The following MYO1H variants were observed in gnomAD, a reference collection of about 807,000 sequenced individuals.
MYO1H encodes the protein myosin IH, also known as unconventional myosin-Ih.
In MYO1H, 118 loss-of-function variants were observed where a neutral mutation model predicts 149.3. The observed-to-expected ratio is 0.79, with a 90% confidence interval of 0.68 to 0.92. MYO1H has a LOEUF of 0.92. Among genes scored for constraint, MYO1H ranks in the 40% least tolerant of loss-of-function variants. The pLI, the probability that MYO1H is intolerant of heterozygous loss-of-function variation, is 0.00. For synonymous variants in MYO1H, 447 were observed against 465.2 expected (o/e 0.96, Z 0.50); for missense variants, 1,212 against 1,280.7 (o/e 0.95, Z 0.82).
At chr12:109,404,702 GT>G (rs146118786) in intron 7 of MYO1H, among the ~76,000 whole-genome samples, 1 of 151,960 alleles carries the variant, frequency 6.6e-6, no homozygotes, top group African/African-American at 2.4e-5. Context: ...GGAAGAGTCA[GT>G]TTTTTTTCTC....
intron 21 of MYO1H, among the ~76,000 whole-genome samples, chr12:109,436,091 T>C (rs991243501): frequency 6.6e-6 from 1 of 152,172 alleles, no homozygotes; most frequent in Non-Finnish European, 1.5e-5. Flanking sequence ...ATGCTCCTCC[T>C]TAGCTGTGTT....
chr12:109,362,636 C>A (rs115246113), intron 1 of MYO1H, among the ~76,000 whole-genome samples: 2 of 152,154 alleles, frequency 1.3e-5, no homozygotes, highest in Non-Finnish European at 2.9e-5. Flanking sequence ...TTTGATCTAA[C>A]GGTAATAAAC....
chr12:109,352,873 C>T (rs1190036664), intron 1 of MYO1H, among the ~76,000 whole-genome samples: 6 of 152,084 alleles, frequency 3.9e-5, no homozygotes, highest in Non-Finnish European at 8.8e-5. Flanking sequence ...AAAGCACTAA[C>T]CTTGGATATT....
exon 9 of MYO1H, chr12:109,406,839 A>C: frequency 6.2e-7 from 1 of 1,613,760 alleles, no homozygotes; most frequent in Non-Finnish European, 8.5e-7. Context: ...CCCACAGAAA[A>C]ATTGAAGCCA....
At chr12:109,374,639 A>G (rs1869052912) in intron 1 of MYO1H, among the ~76,000 whole-genome samples, 1 of 152,182 alleles carries the variant, frequency 6.6e-6, no homozygotes, top group African/African-American at 2.4e-5. Context: ...TGGCTTGGTC[A>G]GAGGATATGT....
intron 16 of MYO1H, 117 bp from the exon 17 acceptor site, chr12:109,424,631 C>A: frequency 1.5e-6 from 1 of 689,260 alleles, no homozygotes; most frequent in South Asian, 1.9e-5. Flanking sequence ...GGAACATCTT[C>A]AAGCATTCAA....
intron 1 of MYO1H, among the ~76,000 whole-genome samples, chr12:109,368,134 A>G (rs981797349): frequency 2.6e-5 from 4 of 152,194 alleles, no homozygotes; most frequent in East Asian, 1.9e-4. Flanking sequence ...AGGCCAAATT[A>G]TAAGCAGGAA....
At chr12:109,405,801 G>T (rs1428129834) in intron 7 of MYO1H, 121 bp from the exon 8 acceptor site, 2 of 706,904 alleles carry the variant, frequency 2.8e-6, no homozygotes, top group Admixed American at 4.7e-5. Context: ...CTCAGGTGTG[G>T]AATTGGGACG....
upstream of MYO1H, among the ~76,000 whole-genome samples, chr12:109,343,797 G>A (rs1184687109): frequency 1.3e-5 from 2 of 152,202 alleles, no homozygotes; most frequent in Admixed American, 6.5e-5. Flanking sequence ...AGGGAGTCTG[G>A]GAAACAGGAG....
At position 109,351,083 on chromosome 12, in the gene MYO1H, T is replaced by C. The variant is rs564238991; in HGVS notation, c.12+3111T>C. 1.3e-4 allele frequency among the ~76,000 whole-genome samples: 20 copies of C among 152,344 alleles called. No individual in the cohort carries two copies. In the South Asian group the frequency reaches 3.9e-3, roughly 30 times the overall value. ...TAGACTCATTCTCATGTTCCATTAGTAGGCAGGTTCACTAGAAGATGGGTG... is the reference window on the plus strand; with the variant it reads ...TAGACTCATTCTCATGTTCCATTAGCAGGCAGGTTCACTAGAAGATGGGTG... On this transcript the variant is annotated intron_variant, in intron 1 of 31. Coordinates refer to ENST00000310903, the Ensembl canonical transcript of MYO1H.
chr12:109,445,273 C>T (rs2135615248), intron 30 of MYO1H: 1 of 429,776 alleles, frequency 2.3e-6, no homozygotes, highest in Admixed American at 4.1e-5. Context: ...TAGACATCAA[C>T]TGACCCTTTG....
At chr12:109,312,383 TTTG>T in the MYO1H span, among the ~76,000 whole-genome samples, 2 of 130,484 alleles carry the variant, frequency 1.5e-5, no homozygotes, top group African/African-American at 5.3e-5. Flanking sequence ...CAGCTAATTT[TTTG>T]TTTTGTTTTG....
chr12:109,330,448 G>C, the MYO1H span, among the ~76,000 whole-genome samples: 1 of 152,074 alleles, frequency 6.6e-6, no homozygotes, highest in Non-Finnish European at 1.5e-5. Context: ...CACATGTCTC[G>C]CAAGGTTACT....
chr12:109,445,939 A>G (rs1301321098), intron 31 of MYO1H: 2 of 985,312 alleles, frequency 2.0e-6, no homozygotes, highest in Non-Finnish European at 2.4e-6. Flanking sequence ...AACTATCCAT[A>G]ACTTCCCCCC....
In MYO1H at chr12:109,446,397, A is replaced by C. The variant is rs138337023; in HGVS notation, c.3094-762A>C. The C allele has an allele frequency of 1.1e-5, 11 of 985,448 alleles. No individual in the cohort carries two copies. The African/African-American group carries it at 1.7e-4, about 16-fold the overall frequency. 61.0% of individuals were successfully genotyped at this position (985,448 alleles called of 1,614,324 possible). A position where few individuals can be genotyped will look rare whatever the true frequency, so the allele number is the denominator to read the frequency against. ...TGTATTATAGGAAGAATTTTGATAC[A>C]AATTAATTAAAAAATGGTCTGTGAA... On this transcript the variant is annotated intron_variant, in intron 31 of 31. Coordinates refer to ENST00000310903, the Ensembl canonical transcript of MYO1H.
At chr12:109,417,591 T>C (rs1381125768) in intron 15 of MYO1H, among the ~76,000 whole-genome samples, 1 of 152,120 alleles carries the variant, frequency 6.6e-6, no homozygotes, top group Non-Finnish European at 1.5e-5. Context: ...CCTCCCAAAA[T>C]GCTGGGATTA....
the MYO1H span, among the ~76,000 whole-genome samples, chr12:109,337,112 T>C: frequency 6.6e-6 from 1 of 152,326 alleles, no homozygotes. Context: ...CAGAGATAAA[T>C]GACAATGACT....
chr12:109,411,685 C>T (rs763794029), intron 13 of MYO1H, among the ~76,000 whole-genome samples: 1 of 152,142 alleles, frequency 6.6e-6, no homozygotes, highest in Non-Finnish European at 1.5e-5. Context: ...ATGGGATATT[C>T]AGGCCCTCTG....
At chr12:109,429,753 GTAA>G (rs1385037055) in intron 19 of MYO1H, among the ~76,000 whole-genome samples, 175 of 151,134 alleles carry the variant, frequency 1.2e-3, no homozygotes, top group Non-Finnish European at 2.1e-3. Context: ...CCCTCCTTAG[GTAA>G]GGGGGTCACT....
Sources: gnomAD v4.1 joint callset for allele counts (sites outside exome capture counted in the v4.1 genomes callset) on GRCh38, gnomAD v4.1.1 for gene constraint, MANE v1.5 for transcripts, NCBI Gene and HGNC (gene_info 2026-07-23, HGNC 2026-07-21) for gene names.